The following ITSN1 variants were observed in gnomAD, a reference collection of about 807,000 sequenced individuals.
The protein encoded by ITSN1 is intersectin-1.
In ITSN1, 58 loss-of-function variants were observed where a neutral mutation model predicts 239.8. That is an observed-to-expected ratio of 0.24 (90% CI 0.20 to 0.30). ITSN1 has a LOEUF of 0.30. Ranked by LOEUF, ITSN1 falls within the 10% of genes least tolerant of loss-of-function variation. The pLI is 1.00. For missense variants in ITSN1, 1,558 were observed against 2,103.3 expected, an observed-to-expected ratio of 0.74 and a Z score of 5.07; for synonymous variants, 780 against 770.8, an observed-to-expected ratio of 1.01 and a Z score of -0.20.
At position 33,882,398 on chromosome 21, in the gene ITSN1, T is replaced by C. The variant is rs755145299; in HGVS notation, c.4497T>C (p.Ser1499=). Residue 1499 remains serine (S), a synonymous_variant, in exon 35 of 40, where the codon TCT becomes TCC. Transcript: ENST00000381318. The surrounding 1 kb of genome is among the most constrained non-coding windows in gnomAD (Gnocchi z 4.5). ...AGATCACGAAGCCTTTGGGGTCTTCTGGCACCGACAAAGTCTTCAGCCCCA... is the reference window on the plus strand; with the variant it reads ...AGATCACGAAGCCTTTGGGGTCTTCCGGCACCGACAAAGTCTTCAGCCCCA... ...LTQITKPLGS[S]GTDKVFSPKS... is the part of the protein sequence containing the mutation. 1.2e-6 allele frequency: 2 copies of C among 1,614,188 alleles called. No homozygotes were observed. The highest frequency in any genetic ancestry group is 1.1e-5 in the South Asian group (1 of 91,084).
At chr21:33,765,200 C>A (rs1372580469) in intron 9 of ITSN1, among the ~76,000 whole-genome samples, 1 of 152,120 alleles carries the variant, frequency 6.6e-6, no homozygotes, top group Admixed American at 6.6e-5. Flanking sequence ...TTGTCATTTC[C>A]TGGTCTAGAG....
intron 1 of ITSN1, among the ~76,000 whole-genome samples, chr21:33,704,923 T>TAA (rs55966725): frequency 3.4e-4 from 32 of 93,594 alleles, no homozygotes; most frequent in South Asian, 7.9e-4. Context: ...CCATCTCTAC[T>TAA]AAAAAAAAAA....
chr21:33,679,365 C>T (rs550625698), intron 1 of ITSN1, among the ~76,000 whole-genome samples: 20 of 152,298 alleles, frequency 1.3e-4, no homozygotes, highest in Admixed American at 1.2e-3. Context: ...TGGCTTGCTG[C>T]TCCCCAGATA....
intron 1 of ITSN1, among the ~76,000 whole-genome samples, chr21:33,656,727 A>G (rs1480352352): frequency 1.3e-5 from 2 of 151,522 alleles, no homozygotes; most frequent in African/African-American, 4.9e-5. Flanking sequence ...TTATTTATTT[A>G]TTTGGCAGAG....
intron 1 of ITSN1, among the ~76,000 whole-genome samples, chr21:33,713,916 C>T (rs992427781): frequency 3.8e-5 from 5 of 132,132 alleles, no homozygotes; most frequent in African/African-American, 5.6e-5. Context: ...CTCACTGCAA[C>T]CTCCGGCTCT....
chr21:33,856,786 C>A lies in ITSN1; in HGVS notation c.3712C>A (p.Arg1238=). 1 of 1,614,024 alleles carries A rather than the reference C, an allele frequency of 6.2e-7. No homozygotes were observed. Among genetic ancestry groups the A allele is most frequent in the Non-Finnish European group, 8.5e-7 (1 of 1,179,980 alleles). The change falls in exon 30 of 40, where the codon CGA becomes AGA. Residue 1238 remains arginine (R), a synonymous_variant. Coordinates refer to ENST00000381318, the MANE Select transcript of ITSN1 (RefSeq NM_003024.3). ...TATGTTGACCCCAACTGAAAGAAAG[C>A]GACAAGGATACATCCACGAGCTCAT... ...LDMLTPTERK[R]QGYIHELIVT... is the part of the protein sequence containing the mutation.
At chr21:33,751,116 A>AT (rs1343633554) in intron 6 of ITSN1, among the ~76,000 whole-genome samples, 7 of 151,866 alleles carry the variant, frequency 4.6e-5, no homozygotes, top group South Asian at 2.1e-4. Flanking sequence ...CTTTTTTTAG[A>AT]TTTTTTCTTG....
At chr21:33,783,364 G>A (rs2070365758) in intron 16 of ITSN1, among the ~76,000 whole-genome samples, 1 of 152,218 alleles carries the variant, frequency 6.6e-6, no homozygotes, top group South Asian at 2.1e-4. Flanking sequence ...TTTGAGGTAT[G>A]TGTGCTGTTC....
intron 1 of ITSN1, among the ~76,000 whole-genome samples, chr21:33,653,061 C>T (rs2088690765): frequency 6.8e-6 from 1 of 147,618 alleles, no homozygotes; most frequent in Non-Finnish European, 1.5e-5. Flanking sequence ...GTGGCACAGT[C>T]TTGGCTCACT....
At chr21:33,838,338 A>G in intron 29 of ITSN1, 1 of 985,446 alleles carries the variant, frequency 1.0e-6, no homozygotes, top group Non-Finnish European at 1.2e-6. Context: ...CACATGGTGC[A>G]GAGAGCGAGG....
chr21:33,764,356 C>G (rs1024156208), intron 9 of ITSN1, among the ~76,000 whole-genome samples: 1 of 152,082 alleles, frequency 6.6e-6, no homozygotes, highest in African/African-American at 2.4e-5. Flanking sequence ...ACTGGTTTAC[C>G]TAGGACTGGC....
chr21:33,867,309 G>A lies in ITSN1; in HGVS notation c.4151G>A (p.Arg1384Lys). Residue 1384 changes from arginine (R) to lysine (K), a missense_variant, in exon 33 of 40, where the codon AGA (arginine) becomes AAA (lysine). Arg to Lys is a conservative substitution (Grantham distance 26, BLOSUM62 2). Coordinates refer to ENST00000381318, the MANE Select transcript of ITSN1 (RefSeq NM_003024.3). ...CTGAAGCCTATGCAACGGGTAACAA[G>A]ATACCCACTGATCATTAAAAATGTA... ...FILKPMQRVT[R>K]YPLIIKNILE... The A allele has an allele frequency of 6.2e-7, 1 of 1,602,784 alleles. No homozygotes were observed. Among genetic ancestry groups the A allele is most frequent in the Non-Finnish European group, 8.5e-7 (1 of 1,169,802 alleles).
chr21:33,858,630 G>A, intron 30 of ITSN1, 56 bp from the exon 31 acceptor site: 1 of 1,099,056 alleles, frequency 9.1e-7, no homozygotes, highest in Admixed American at 1.7e-5. Context: ...CGGCGTGTGA[G>A]TGTGTGAGTT....
intron 14 of ITSN1, among the ~76,000 whole-genome samples, chr21:33,780,901 A>G (rs1489949823): frequency 6.6e-6 from 1 of 152,240 alleles, no homozygotes; most frequent in Non-Finnish European, 1.5e-5. Context: ...AGTTGCTTCA[A>G]AACTTTTGTG....
rs1241486801 is a variant in ITSN1, at chr21:33,797,421, G to T, written c.1995G>T (p.Gln665His). ...ERDKQWLEHVQQEDEHQRPRK... is the reference protein window; with the variant it reads ...ERDKQWLEHVHQEDEHQRPRK... The stretch of plus-strand genomic sequence containing the variant: ...ACAAGCAGTGGCTGGAGCATGTGCA[G>T]CAGGAGGACGAGCATCAGAGACCAA... Residue 665 changes from glutamine (Q) to histidine (H), a missense_variant, in exon 18 of 40, where the codon CAG (glutamine) becomes CAT (histidine). Physicochemically the swap from Gln to His is conservative, Grantham distance 24 (BLOSUM62 0). This residue lies in a region of ITSN1 where 982 missense variants were observed against 1,209.9 expected (regional missense o/e 0.81). Coordinates refer to ENST00000381318, the MANE Select transcript of ITSN1 (RefSeq NM_003024.3). This position sits in a 1 kb window ranked among gnomAD's most constrained non-coding sequence, Gnocchi z 4.9. 3 of 1,614,026 alleles carry T rather than the reference G, an allele frequency of 1.9e-6. No homozygotes were observed. The highest frequency in any genetic ancestry group is 2.2e-5 in the East Asian group (1 of 44,868).
At chr21:33,746,672 C>G (rs1257234127) in intron 5 of ITSN1, among the ~76,000 whole-genome samples, 1 of 152,098 alleles carries the variant, frequency 6.6e-6, no homozygotes, top group African/African-American at 2.4e-5. Flanking sequence ...GAAACCCCGT[C>G]TCTGCTGAAA....
intron 26 of ITSN1, chr21:33,829,175 G>A: frequency 2.7e-6 from 1 of 370,290 alleles, no homozygotes; most frequent in Non-Finnish European, 5.2e-6. Context: ...TACTGTACTT[G>A]GCAGCTAGAA....
chr21:33,745,472 G>A (rs1257396255), intron 5 of ITSN1, among the ~76,000 whole-genome samples: 1 of 152,158 alleles, frequency 6.6e-6, no homozygotes, highest in Non-Finnish European at 1.5e-5. Context: ...TCAGTGCTCT[G>A]GAAATTAACC....
In ITSN1 at chr21:33,858,697, A is replaced by G; in HGVS notation, c.3795A>G (p.Lys1265=). The G allele has an allele frequency of 6.2e-7, 1 of 1,610,484 alleles. No homozygotes were observed. Among genetic ancestry groups the G allele is most frequent in the South Asian group, 1.1e-5 (1 of 90,588 alleles). Residue 1265 remains lysine (K), a synonymous_variant, in exon 31 of 40, where the codon AAA becomes AAG. Coordinates refer to ENST00000381318, the MANE Select transcript of ITSN1 (RefSeq NM_003024.3). The part of the protein sequence containing the change: ...DLQLVTEIFQ[K]PLMESELLTE... The stretch of plus-strand genomic sequence containing the variant: ...TTCTGCATCTGTAGATTTTTCAAAA[A>G]CCCCTGATGGAGTCTGAGCTGCTGA...
Sources: gnomAD v4.1 joint callset for allele counts (sites outside exome capture counted in the v4.1 genomes callset) on GRCh38, gnomAD v4.1.1 for gene constraint, gnomAD v4.1.1 regional missense constraint, Gnocchi (gnomAD v3.1) non-coding constraint, MANE v1.5 for transcripts, NCBI Gene and HGNC (gene_info 2026-07-23, HGNC 2026-07-21) for gene names.